XYLT1: variants seen among roughly 807,000 people sequenced by gnomAD.
The protein encoded by XYLT1 is beta-D-xylosyltransferase 1.
A neutral mutation model predicts 91.3 loss-of-function variants in XYLT1; 36 were observed. The ratio of observed to expected loss-of-function variants is 0.39; its 90% CI spans 0.30 to 0.52. The LOEUF (loss-of-function observed/expected upper bound fraction) is 0.52, where lower values mean the gene tolerates loss of function less well. Ranked by LOEUF, XYLT1 falls within the 20% of genes least tolerant of loss-of-function variation. XYLT1 has a pLI of 0.68. For missense variants in XYLT1, 1,242 were observed against 1,284.5 expected (o/e 0.97, Z 0.51); for synonymous variants, 588 against 532.0 (o/e 1.11, Z -1.45).
At chr16:17,287,464 G>A (rs2034159255) in intron 2 of XYLT1, among the ~76,000 whole-genome samples, 1 of 152,130 alleles carries the variant, frequency 6.6e-6, no homozygotes, top group Non-Finnish European at 1.5e-5. Context: ...ACAATTTGTC[G>A]AATCCTTGCA....
At chr16:17,442,325 T>C (rs1567204646) in intron 1 of XYLT1, among the ~76,000 whole-genome samples, 1 of 152,206 alleles carries the variant, frequency 6.6e-6, no homozygotes. Flanking sequence ...TGTTATCAAA[T>C]TGATAGTGCA....
rs1030281990 is a variant in XYLT1, at chr16:17,312,343, G to A, written c.402+45669C>T. ...AAGATCCCTGCTGGCATAGTACTGT[G>A]AAGGACTCAATGAAACATCCCTGAA... On this transcript the variant is annotated intron_variant, in intron 2 of 11. Coordinates refer to ENST00000261381, the MANE Select transcript of XYLT1 (RefSeq NM_022166.4). This position sits in a 1 kb window ranked among gnomAD's most constrained non-coding sequence, Gnocchi z 4.4. 1.3e-5 allele frequency among the ~76,000 whole-genome samples: 2 copies of A among 152,166 alleles called. No homozygotes were observed. Among genetic ancestry groups the A allele is most frequent in the African/African-American group, 2.4e-5 (1 of 41,446 alleles).
intron 1 of XYLT1, among the ~76,000 whole-genome samples, chr16:17,407,624 C>A (rs1241135986): frequency 2.0e-5 from 3 of 152,214 alleles, no homozygotes; most frequent in Non-Finnish European, 4.4e-5. Context: ...TGCTCCCCAC[C>A]CATCTGTGTG....
intron 11 of XYLT1, 38 bp from the exon 12 acceptor site, chr16:17,109,055 C>A: frequency 6.7e-7 from 1 of 1,485,424 alleles, no homozygotes; most frequent in Non-Finnish European, 8.9e-7. Context: ...ATCAGAAGAG[C>A]CACCAATAGG....
rs925703387 is a variant in XYLT1, at chr16:17,326,720, G to A, written c.402+31292C>T. Among the ~76,000 whole-genome samples the A allele has an allele frequency of 2.0e-5, 3 of 152,066 alleles. No individual in the cohort carries two copies. The South Asian group carries it at 6.2e-4, about 32-fold the overall frequency. On this transcript the variant is annotated intron_variant, in intron 2 of 11. Coordinates refer to ENST00000261381, the MANE Select transcript of XYLT1 (RefSeq NM_022166.4). The stretch of plus-strand genomic sequence containing the variant: ...GGCACCTGTAGTCCCAGCTACTTGG[G>A]AGACTGAGGCAGGAGAATGGCGTGA...
chr16:17,224,069 G>A (rs945093145), intron 3 of XYLT1, among the ~76,000 whole-genome samples: 1 of 152,222 alleles, frequency 6.6e-6, no homozygotes, highest in Non-Finnish European at 1.5e-5. Context: ...ATCTAGAGAA[G>A]CTACCAGAAC....
At chr16:17,151,773 G>C (rs1163730469) in intron 6 of XYLT1, among the ~76,000 whole-genome samples, 3 of 152,196 alleles carry the variant, frequency 2.0e-5, no homozygotes, top group Admixed American at 6.5e-5. Context: ...GCTGCCTCTG[G>C]CAGATGGGGT....
In XYLT1 at chr16:17,323,598, G is replaced by T. The variant is rs948250809; in HGVS notation, c.402+34414C>A. Among the ~76,000 whole-genome samples the T allele has an allele frequency of 3.3e-5, 5 of 152,254 alleles. No homozygotes were observed. In the East Asian group the frequency reaches 9.6e-4, roughly 29 times the overall value. On this transcript the variant is annotated intron_variant, in intron 2 of 11. Coordinates refer to ENST00000261381, the MANE Select transcript of XYLT1 (RefSeq NM_022166.4). ...CTAAAGCCAGTTATTTCGTCATCAC[G>T]GTTCACTTTATTCCCAGCTCCGGAC...
intron 5 of XYLT1, among the ~76,000 whole-genome samples, chr16:17,167,870 C>T (rs2031735966): frequency 6.6e-6 from 1 of 152,232 alleles, no homozygotes; most frequent in Non-Finnish European, 1.5e-5. Flanking sequence ...ACCCATCCTT[C>T]CATCTCGTGA....
At chr16:17,434,601 A>G (rs540037004) in intron 1 of XYLT1, among the ~76,000 whole-genome samples, 5 of 152,370 alleles carry the variant, frequency 3.3e-5, no homozygotes, top group African/African-American at 1.2e-4. Context: ...TCATGCCTGT[A>G]ATCCCAAAAC....
chr16:17,237,305 T>A (rs2033264124), intron 3 of XYLT1, among the ~76,000 whole-genome samples: 1 of 152,184 alleles, frequency 6.6e-6, no homozygotes, highest in African/African-American at 2.4e-5. Context: ...AGGAAGAAGT[T>A]CCAAAATACA....
At chr16:17,161,787 C>T (rs9940868) in intron 5 of XYLT1, among the ~76,000 whole-genome samples, 134,127 of 151,720 alleles carry the variant, frequency 0.88, 59,393 homozygotes, top group East Asian at 0.92. Flanking sequence ...TCTATCTCAT[C>T]ATCAATTTCC....
intron 2 of XYLT1, among the ~76,000 whole-genome samples, chr16:17,270,556 A>G (rs1026836293): frequency 6.6e-6 from 1 of 152,250 alleles, no homozygotes; most frequent in African/African-American, 2.4e-5. Context: ...ATAATGGCAG[A>G]GGAGAAAAAG....
intron 10 of XYLT1, among the ~76,000 whole-genome samples, chr16:17,125,670 C>A (rs1179403784): frequency 1.3e-5 from 2 of 152,142 alleles, no homozygotes; most frequent in African/African-American, 4.8e-5. Context: ...TTGTCCCCAT[C>A]AATGTCCTGA....
chr16:17,359,317 C>T (rs1042292676), intron 1 of XYLT1, among the ~76,000 whole-genome samples: 1 of 152,166 alleles, frequency 6.6e-6, no homozygotes, highest in Non-Finnish European at 1.5e-5. Context: ...TTAGCACCAG[C>T]CCATTGTCCC....
chr16:17,232,223 TTCA>T (rs897702699), intron 3 of XYLT1, among the ~76,000 whole-genome samples: 4 of 110,656 alleles, frequency 3.6e-5, no homozygotes, highest in African/African-American at 1.6e-4. Context: ...TATATACACC[TTCA>T]TATTTGATTA....
rs1158371255 is a variant in XYLT1, at chr16:17,104,281, T to TTGA, written c.*4411_*4413dup. The TTGA allele has an allele frequency of 6.6e-6, 1 of 152,500 alleles. No homozygotes were observed. The highest frequency in any genetic ancestry group is 1.5e-5 in the Non-Finnish European group (1 of 68,154). The allele number at this position is 152,500 out of a possible 1,614,324, so 9.4% of individuals were successfully genotyped here. On this transcript the variant is annotated 3_prime_UTR_variant, in exon 12 of 12. Coordinates refer to ENST00000261381, the MANE Select transcript of XYLT1 (RefSeq NM_022166.4). ...ACTGTCTTTGCCATTTCGGCCTGGT[T>TTGA]TGATGGAGTCCCACAAGCTGTAGCC...
intron 5 of XYLT1, among the ~76,000 whole-genome samples, chr16:17,174,651 G>C (rs912355247): frequency 6.6e-6 from 1 of 152,168 alleles, no homozygotes; most frequent in Non-Finnish European, 1.5e-5. Context: ...TGCTTAATGG[G>C]TACAGGTTTT....
intron 1 of XYLT1, among the ~76,000 whole-genome samples, chr16:17,383,490 T>G (rs995997112): frequency 2.0e-5 from 3 of 151,912 alleles, no homozygotes; most frequent in Non-Finnish European, 4.4e-5. Context: ...CTGGGTCTTA[T>G]CCACTTGTTT....
Sources: gnomAD v4.1 joint callset for allele counts (sites outside exome capture counted in the v4.1 genomes callset) on GRCh38, gnomAD v4.1.1 for gene constraint, Gnocchi (gnomAD v3.1) non-coding constraint, MANE v1.5 for transcripts, NCBI Gene and HGNC (gene_info 2026-07-23, HGNC 2026-07-21) for gene names.